The following LUZP2 variants were observed in gnomAD, a reference collection of about 807,000 sequenced individuals.
The protein encoded by LUZP2 is leucine zipper protein 2.
Under a neutral mutation model 51.6 loss-of-function variants are expected in LUZP2, and 52 were observed. The ratio of observed to expected loss-of-function variants is 1.01; its 90% CI spans 0.81 to 1.27. The LOEUF is 1.27. LUZP2 is among the 50% of genes most tolerant of loss of function. The probability of loss-of-function intolerance (pLI) is 0.00; values close to 1 mark genes in which losing one functional copy is unlikely to be tolerated. For missense variants in LUZP2, 436 were observed against 395.4 expected (o/e 1.10, Z -0.87); for synonymous variants, 154 against 137.3 (o/e 1.12, Z -0.85).
At chr11:25,065,019 A>T (rs558079938) in intron 10 of LUZP2, among the ~76,000 whole-genome samples, 1 of 152,212 alleles carries the variant, frequency 6.6e-6, no homozygotes, top group African/African-American at 2.4e-5. Context: ...TTTGGAGATA[A>T]CATTGACAGG....
intron 5 of LUZP2, among the ~76,000 whole-genome samples, chr11:24,836,408 A>G (rs544844492): frequency 6.0e-4 from 91 of 152,012 alleles, no homozygotes; most frequent in African/African-American, 2.0e-3. Context: ...CTGATTTTCC[A>G]ACTAGTGAAA....
intron 5 of LUZP2, among the ~76,000 whole-genome samples, chr11:24,807,936 T>A (rs1477496975): frequency 2.6e-5 from 4 of 152,138 alleles, no homozygotes; most frequent in African/African-American, 9.7e-5. Context: ...AGAAGAAAAT[T>A]AAAAGCGTCA....
intron 7 of LUZP2, 89 bp downstream of exon 7, chr11:24,914,627 G>A (rs1022210786): frequency 2.3e-5 from 21 of 928,092 alleles, no homozygotes; most frequent in African/African-American, 3.4e-5. Flanking sequence ...TTATTTTCTG[G>A]AATTTCTCAT....
chr11:24,531,039 T>TTTTTTATTATTATTATTATTATTATTA (rs547008686), intron 1 of LUZP2, among the ~76,000 whole-genome samples: 2 of 144,838 alleles, frequency 1.4e-5, no homozygotes, highest in African/African-American at 5.2e-5. Flanking sequence ...TTTAGCCTCT[T>TTTTTTATTATTATTATTATTATTATTA]TTATTATTAT....
At chr11:24,521,327 T>A (rs2133801593) in intron 1 of LUZP2, among the ~76,000 whole-genome samples, 1 of 115,956 alleles carries the variant, frequency 8.6e-6, no homozygotes, top group Middle Eastern at 7.4e-3. Context: ...CTTCAGCCTG[T>A]GTGACAGAGC....
intron 9 of LUZP2, among the ~76,000 whole-genome samples, chr11:25,023,785 C>T (rs1358788249): frequency 2.0e-5 from 3 of 152,108 alleles, no homozygotes; most frequent in African/African-American, 7.2e-5. Context: ...CTATACATTG[C>T]CCTCTACACA....
chr11:24,873,470 C>T (rs370892834), intron 5 of LUZP2, among the ~76,000 whole-genome samples: 3 of 152,124 alleles, frequency 2.0e-5, no homozygotes, highest in African/African-American at 7.2e-5. Flanking sequence ...GCTCAGTGTT[C>T]GGAGCAGCCA....
At chr11:24,977,277 A>G (rs1590796542) in intron 8 of LUZP2, among the ~76,000 whole-genome samples, 1 of 151,814 alleles carries the variant, frequency 6.6e-6, no homozygotes, top group East Asian at 1.9e-4. Context: ...TGTTTTATCA[A>G]TATTGATATA....
At chr11:24,846,988 G>A (rs374500859) in intron 5 of LUZP2, among the ~76,000 whole-genome samples, 30 of 151,336 alleles carry the variant, frequency 2.0e-4, no homozygotes, top group African/African-American at 6.3e-4. Context: ...TATATAGTAC[G>A]TGTACAACAC....
rs369089460 is a variant in LUZP2, at chr11:24,737,194, T to C, written c.252-1027T>C. On this transcript the variant is annotated intron_variant, in intron 3 of 11. Transcript: ENST00000336930. ...TAGGCATTGTGTTAAGTGCTTTGCT[T>C]ACGTTCTGTCGTCTTAATATGAGCA... Among the ~76,000 whole-genome samples the C allele has an allele frequency of 1.8e-3, 276 of 152,186 alleles. 9 individuals are homozygous for C. The South Asian group carries it at 0.054, about 30-fold the overall frequency.
At chr11:24,655,047 A>C (rs967106566) in intron 1 of LUZP2, among the ~76,000 whole-genome samples, 2 of 152,162 alleles carry the variant, frequency 1.3e-5, no homozygotes, top group East Asian at 1.9e-4. Flanking sequence ...AAAGCATAGT[A>C]TGTTGCAGAA....
At chr11:24,982,304 C>G (rs1340877668) in intron 8 of LUZP2, among the ~76,000 whole-genome samples, 1 of 151,808 alleles carries the variant, frequency 6.6e-6, no homozygotes, top group East Asian at 1.9e-4. Flanking sequence ...AAGACACATG[C>G]ATGTGAGTGA....
chr11:24,917,740 T>C (rs1853841642), intron 7 of LUZP2, among the ~76,000 whole-genome samples: 1 of 152,146 alleles, frequency 6.6e-6, no homozygotes, highest in African/African-American at 2.4e-5. Context: ...TACTGTAGCC[T>C]TGTAGTATAA....
intron 9 of LUZP2, among the ~76,000 whole-genome samples, chr11:25,004,207 G>A (rs1016607475): frequency 1.3e-5 from 2 of 152,194 alleles, no homozygotes; most frequent in Non-Finnish European, 2.9e-5. Context: ...CTGGGGCAGT[G>A]CACCTTCCAG....
chr11:24,638,005 T>G (rs540968705), intron 1 of LUZP2, among the ~76,000 whole-genome samples: 2 of 151,888 alleles, frequency 1.3e-5, no homozygotes, highest in South Asian at 4.2e-4. Flanking sequence ...ACCTCCGAAG[T>G]CCCAGCTATA....
At chr11:24,737,966 C>T (rs867992744) in intron 3 of LUZP2, among the ~76,000 whole-genome samples, 45 of 151,804 alleles carry the variant, frequency 3.0e-4, no homozygotes, top group African/African-American at 9.0e-4. Context: ...ATGATTCAAA[C>T]GTGGGATTTT....
At chr11:24,823,440 T>A (rs185086943) in intron 5 of LUZP2, among the ~76,000 whole-genome samples, 208 of 149,406 alleles carry the variant, frequency 1.4e-3, no homozygotes, top group African/African-American at 4.9e-3. Flanking sequence ...TTGGAGGCCA[T>A]AGAAATAAAT....
intron 10 of LUZP2, among the ~76,000 whole-genome samples, chr11:25,067,680 G>T (rs953037373): frequency 6.6e-6 from 1 of 152,196 alleles, no homozygotes; most frequent in South Asian, 2.1e-4. Context: ...AACAACAGAG[G>T]CTGGAGACGA....
intron 1 of LUZP2, among the ~76,000 whole-genome samples, chr11:24,719,054 A>C (rs1858163700): frequency 6.6e-6 from 1 of 152,230 alleles, no homozygotes; most frequent in Non-Finnish European, 1.5e-5. Flanking sequence ...TGAAGGAGAC[A>C]GATTCAAGCC....
Sources: gnomAD v4.1 joint callset for allele counts (sites outside exome capture counted in the v4.1 genomes callset) on GRCh38, gnomAD v4.1.1 for gene constraint, MANE v1.5 for transcripts, NCBI Gene and HGNC (gene_info 2026-07-23, HGNC 2026-07-21) for gene names.